FRYL: variants seen among roughly 807,000 people sequenced by gnomAD.
The protein encoded by FRYL is FRY like transcription coactivator, also known as protein furry homolog-like.
A neutral mutation model predicts 351.2 loss-of-function variants in FRYL; 150 were observed. The ratio of observed to expected loss-of-function variants is 0.43; its 90% CI spans 0.37 to 0.49. The LOEUF (loss-of-function observed/expected upper bound fraction) is 0.49. Among genes scored for constraint, FRYL ranks in the 20% least tolerant of loss-of-function variants. The pLI, the probability that FRYL is intolerant of heterozygous loss-of-function variation, is 0.00. For missense variants in FRYL, 3,036 were observed against 3,619.3 expected, an observed-to-expected ratio of 0.84 and a Z score of 4.13; for synonymous variants, 1,153 against 1,257.1, an observed-to-expected ratio of 0.92 and a Z score of 1.75.
chr4:48,507,061 A>G (rs1721230221), intron 59 of FRYL, among the ~76,000 whole-genome samples: 1 of 152,210 alleles, frequency 6.6e-6, no homozygotes, highest in African/African-American at 2.4e-5. Flanking sequence ...ATATTTATAC[A>G]CTTAATTATG....
chr4:48,743,113 TCAGA>T (rs1424711895), intron 1 of FRYL, among the ~76,000 whole-genome samples: 2 of 151,232 alleles, frequency 1.3e-5, no homozygotes, highest in Non-Finnish European at 2.9e-5. Flanking sequence ...GCCACCACAC[TCAGA>T]CAATCTGAGA....
intron 59 of FRYL, among the ~76,000 whole-genome samples, chr4:48,508,498 AT>A: frequency 6.6e-6 from 1 of 152,268 alleles, no homozygotes; most frequent in Non-Finnish European, 1.5e-5. Context: ...GGTATTTGAT[AT>A]TTTCCTATTA....
At chr4:48,611,708 T>A (rs936470694) in intron 7 of FRYL, among the ~76,000 whole-genome samples, 1 of 152,196 alleles carries the variant, frequency 6.6e-6, no homozygotes, top group African/African-American at 2.4e-5. Context: ...GCAATGAATC[T>A]ATAAAACAAT....
intron 2 of FRYL, among the ~76,000 whole-genome samples, chr4:48,687,555 C>CAAAAGA (rs1481870094): frequency 6.7e-6 from 1 of 149,852 alleles, no homozygotes; most frequent in Admixed American, 6.7e-5. Flanking sequence ...GTACACAAAG[C>CAAAAGA]AAAAGAAAGC....
chr4:48,540,249 T>C (rs1729871423), intron 46 of FRYL, 104 bp downstream of exon 46: 3 of 1,342,472 alleles, frequency 2.2e-6, no homozygotes, highest in Non-Finnish European at 3.0e-6. Context: ...ATAAAAACTA[T>C]GACTATTTGC....
chr4:48,685,722 A>C (rs546369015), intron 2 of FRYL, among the ~76,000 whole-genome samples: 1 of 152,032 alleles, frequency 6.6e-6, no homozygotes, highest in South Asian at 2.1e-4. Context: ...CCATTTATAA[A>C]GATTCCACGT....
chr4:48,540,287 A>C, intron 46 of FRYL, 66 bp downstream of exon 46: 1 of 1,501,480 alleles, frequency 6.7e-7, no homozygotes, highest in Non-Finnish European at 8.9e-7. Flanking sequence ...AGATTTCAAA[A>C]CAAATGATTA....
chr4:48,754,966 C>A (rs980370134), intron 1 of FRYL, among the ~76,000 whole-genome samples: 3 of 152,148 alleles, frequency 2.0e-5, no homozygotes, highest in African/African-American at 4.8e-5. Context: ...ATTGTGACAA[C>A]TGGAACTGAA....
rs1770927849 is a variant in FRYL at position 48,733,188 on chromosome 4, T to A, written c.-383-22490A>T. ...CACTCGGGAGGCTGAGGAAGAAGAA[T>A]TGCTTGTACTCGGGAGGTGGAGACT... On this transcript the variant is annotated intron_variant, in intron 1 of 63. Transcript: ENST00000358350. 2.6e-5 allele frequency among the ~76,000 whole-genome samples: 4 copies of A among 151,872 alleles called. No individual in the cohort carries two copies. In the South Asian group the frequency reaches 8.3e-4, roughly 32 times the overall value.
intron 3 of FRYL, among the ~76,000 whole-genome samples, chr4:48,673,742 G>A (rs1407016757): frequency 2.0e-5 from 3 of 152,130 alleles, no homozygotes; most frequent in Admixed American, 6.5e-5. Flanking sequence ...TCTAGATAAC[G>A]ACCTGTCTCA....
intron 2 of FRYL, among the ~76,000 whole-genome samples, chr4:48,710,037 G>A (rs1490498595): frequency 6.6e-6 from 1 of 152,162 alleles, no homozygotes; most frequent in Non-Finnish European, 1.5e-5. Flanking sequence ...TAGAAAACTT[G>A]TTGGCTAACT....
At chr4:48,500,437 G>C (rs1157608116) in intron 62 of FRYL, among the ~76,000 whole-genome samples, 5 of 152,152 alleles carry the variant, frequency 3.3e-5, no homozygotes, top group African/African-American at 1.2e-4. Context: ...AAATGTTCTT[G>C]ATAAAGCAAC....
intron 3 of FRYL, among the ~76,000 whole-genome samples, chr4:48,678,489 CAG>C: frequency 1.1e-5 from 1 of 93,098 alleles, no homozygotes; most frequent in South Asian, 4.0e-4. Flanking sequence ...AGCCTGGCGA[CAG>C]AGCAAAACTC....
At chr4:48,551,696 A>G (rs142394887) in intron 36 of FRYL, 118 bp from the exon 37 acceptor site, 2 of 641,184 alleles carry the variant, frequency 3.1e-6, no homozygotes, top group African/African-American at 3.7e-5. Context: ...AAAGTCATTT[A>G]AAAAAAGGAA....
At chr4:48,500,812 C>T (rs189875921) in intron 62 of FRYL, among the ~76,000 whole-genome samples, 10 of 152,176 alleles carry the variant, frequency 6.6e-5, no homozygotes, top group African/African-American at 1.4e-4. Flanking sequence ...GGGCTGGGCA[C>T]GGTGGCTTAT....
In FRYL at chr4:48,515,048, C is replaced by A. The variant is rs202002304; in HGVS notation, c.7917G>T (p.Ala2639=). The change falls in exon 56 of 64, where the codon GCG becomes GCT. Residue 2639 remains alanine (A), a synonymous_variant. Coordinates refer to ENST00000358350, the MANE Select transcript of FRYL (RefSeq NM_015030.2). ...CTCACCTAGACAGTCCGGAGAAATC[C>A]GCTTCTTCTTCTTCACATCTTTCAT... is the stretch of plus-strand genomic sequence containing the variant. ...ELDERCEEEE[A]DFSGLSSQDE... is the part of the protein sequence containing the mutation. 5 of 1,613,470 alleles carry A rather than the reference C, an allele frequency of 3.1e-6. No homozygotes were observed. Among genetic ancestry groups the A allele is most frequent in the Non-Finnish European group, 4.2e-6 (5 of 1,179,640 alleles).
chr4:48,662,428 T>C (rs1240051565), intron 3 of FRYL, among the ~76,000 whole-genome samples: 1 of 151,436 alleles, frequency 6.6e-6, no homozygotes, highest in Non-Finnish European at 1.5e-5. Context: ...AAAATAACAA[T>C]AACAATAATA....
At chr4:48,734,823 C>T (rs1056215639) in intron 1 of FRYL, among the ~76,000 whole-genome samples, 1 of 152,100 alleles carries the variant, frequency 6.6e-6, no homozygotes, top group Non-Finnish European at 1.5e-5. Context: ...GCTTGTTTTT[C>T]TCAGGTTTGT....
intron 16 of FRYL, among the ~76,000 whole-genome samples, chr4:48,592,082 T>TAATATATATATATATATATATATA (rs888017807): frequency 8.6e-5 from 10 of 116,206 alleles, no homozygotes; most frequent in African/African-American, 4.5e-4. Flanking sequence ...AATAAAGCTC[T>TAATATATATATATATATATATATA]TATATATATA....
Sources: allele counts gnomAD v4.1 joint callset (sites outside exome capture counted in the v4.1 genomes callset), GRCh38; gene constraint gnomAD v4.1.1; transcripts MANE v1.5; gene names NCBI Gene and HGNC (gene_info 2026-07-23, HGNC 2026-07-21).